Variants in DR1 observed in about 807,000 individuals in gnomAD.
DR1 encodes the protein down-regulator of transcription 1.
In DR1, 7 loss-of-function variants were observed where a neutral mutation model predicts 19.9. That is an observed-to-expected ratio of 0.35 (90% CI 0.20 to 0.66). The LOEUF (loss-of-function observed/expected upper bound fraction) is 0.66, where lower values mean the gene tolerates loss of function less well. Among genes scored for constraint, DR1 ranks in the 30% least tolerant of loss-of-function variants. The pLI is 0.66. For synonymous variants in DR1, 76 were observed against 72.5 expected, an observed-to-expected ratio of 1.05 and a Z score of -0.24; for missense variants, 98 against 203.7, an observed-to-expected ratio of 0.48 and a Z score of 3.16.
At chr1:93,347,549 G>T (rs1470460868) in intron 1 of DR1, among the ~76,000 whole-genome samples, 4 of 152,030 alleles carry the variant, frequency 2.6e-5, no homozygotes, top group Middle Eastern at 3.4e-3. Context: ...ATTCTGTGGA[G>T]ATAAGTTTTG....
chr1:93,353,349 A>G (rs1048584657), intron 1 of DR1, among the ~76,000 whole-genome samples: 3 of 152,132 alleles, frequency 2.0e-5, no homozygotes, highest in African/African-American at 7.2e-5. Flanking sequence ...TTTATTTTCA[A>G]GAGAAACCTG....
At chr1:93,359,321 G>C (rs1316600986) in intron 2 of DR1, among the ~76,000 whole-genome samples, 1 of 152,042 alleles carries the variant, frequency 6.6e-6, no homozygotes, top group African/African-American at 2.4e-5. Context: ...AAATACTGAG[G>C]GCCTTTATGT....
Position 93,360,773 on chromosome 1 carries a change from A to G in DR1, c.*134A>G. On this transcript the variant is annotated 3_prime_UTR_variant, in exon 3 of 3. Transcript: ENST00000370272. ...CATTGGTATTCTAGGGATGTCTGCT[A>G]TTAAGTTTCATCTATTGTGTGCTAT... The G allele has an allele frequency of 1.0e-6, 1 of 965,292 alleles. No individual in the cohort carries two copies. Among genetic ancestry groups the G allele is most frequent in the Non-Finnish European group, 1.5e-6 (1 of 667,502 alleles). 59.8% of individuals were successfully genotyped at this position (965,292 alleles called of 1,614,324 possible).
chr1:93,352,385 A>G (rs896620278), intron 1 of DR1, among the ~76,000 whole-genome samples: 1 of 152,172 alleles, frequency 6.6e-6, no homozygotes, highest in African/African-American at 2.4e-5. Flanking sequence ...GGTGAATTTG[A>G]TATACAGAAC....
chr1:93,369,462 G>A lies in DR1; in HGVS notation c.*8823G>A, dbSNP rs547950779. Reference sequence around the variant, plus strand: ...ATTCACTCAGTGTTATGCAGAATATGAGAAGTTATTTTATAAAGTTGATTT... The same window carrying A: ...ATTCACTCAGTGTTATGCAGAATATAAGAAGTTATTTTATAAAGTTGATTT... On this transcript the variant is annotated 3_prime_UTR_variant, in exon 3 of 3. Transcript: ENST00000370272. The A allele has an allele frequency of 6.6e-6, 1 of 152,272 alleles. No homozygotes were observed. The highest frequency in any genetic ancestry group is 2.1e-4 in the South Asian group (1 of 4,830). 9.4% of individuals were successfully genotyped at this position (152,272 alleles called of 1,614,324 possible). A position where few individuals can be genotyped will look rare whatever the true frequency, so the allele number is the denominator to read the frequency against.
chr1:93,367,245 A>G lies in DR1; in HGVS notation c.*6606A>G, dbSNP rs1480423376. 1 of 152,122 alleles carries G rather than the reference A, an allele frequency of 6.6e-6. No individual in the cohort carries two copies. Among genetic ancestry groups the G allele is most frequent in the Non-Finnish European group, 1.5e-5 (1 of 68,028 alleles). The allele number at this position is 152,122 out of a possible 1,614,324, so 9.4% of individuals were successfully genotyped here. ...TGCTAGTGGGTTAAATCAAGGAATA[A>G]CTGTTGGGAAGTGAAAATTTTAAGG... On this transcript the variant is annotated 3_prime_UTR_variant, in exon 3 of 3. Transcript: ENST00000370272.
At chr1:93,355,680 T>C (rs1261086238) in intron 2 of DR1, 1 of 152,236 alleles carries the variant, frequency 6.6e-6, no homozygotes, top group African/African-American at 2.4e-5. Context: ...TATCTGTTTT[T>C]TTATTCCTCT....
At chr1:93,353,630 T>A (rs1382009865) in intron 1 of DR1, among the ~76,000 whole-genome samples, 1 of 152,238 alleles carries the variant, frequency 6.6e-6, no homozygotes, top group African/African-American at 2.4e-5. Flanking sequence ...CAGGAAATGC[T>A]TTGGTCTTTT....
chr1:93,350,343 G>A (rs1225105146), intron 1 of DR1, among the ~76,000 whole-genome samples: 1 of 152,022 alleles, frequency 6.6e-6, no homozygotes, highest in African/African-American at 2.4e-5. Context: ...CCTTTGCCAG[G>A]CTAATGAGCC....
intron 2 of DR1, among the ~76,000 whole-genome samples, chr1:93,356,853 C>CA (rs1386899268): frequency 6.6e-6 from 1 of 151,894 alleles, no homozygotes; most frequent in Non-Finnish European, 1.5e-5. Flanking sequence ...TCCCAAGTAG[C>CA]TGGGATTACA....
intron 2 of DR1, among the ~76,000 whole-genome samples, chr1:93,359,400 T>G (rs1667028248): frequency 6.6e-6 from 1 of 152,146 alleles, no homozygotes; most frequent in Non-Finnish European, 1.5e-5. Context: ...GGATATAAAC[T>G]TAGATAATTC....
intron 1 of DR1, among the ~76,000 whole-genome samples, chr1:93,350,832 G>A (rs1207288376): frequency 6.6e-6 from 1 of 152,072 alleles, no homozygotes; most frequent in Non-Finnish European, 1.5e-5. Context: ...ATATTTTTCT[G>A]TTTTGGAAAG....
At chr1:93,356,077 T>C (rs1194076769) in intron 2 of DR1, among the ~76,000 whole-genome samples, 1 of 152,170 alleles carries the variant, frequency 6.6e-6, no homozygotes, top group Non-Finnish European at 1.5e-5. Context: ...AGGAAATACA[T>C]GCCTGCTTAC....
chr1:93,358,463 G>T (rs1374916705), intron 2 of DR1, among the ~76,000 whole-genome samples: 1 of 152,140 alleles, frequency 6.6e-6, no homozygotes, highest in East Asian at 1.9e-4. Flanking sequence ...AGCAGAGACT[G>T]AACGCGGTTT....
At chr1:93,355,702 C>T (rs904522810) in intron 2 of DR1, 1 of 151,976 alleles carries the variant, frequency 6.6e-6, no homozygotes, top group Non-Finnish European at 1.5e-5. Context: ...TTTTGTCTCC[C>T]TTGTTTCTTA....
chr1:93,355,363 C>CA (rs1666967344), intron 2 of DR1: 1 of 152,094 alleles, frequency 6.6e-6, no homozygotes. Flanking sequence ...CAAGAGTGAA[C>CA]AAGGAGACAG....
intron 2 of DR1, among the ~76,000 whole-genome samples, chr1:93,354,785 C>A (rs1023245310): frequency 2.0e-5 from 3 of 152,162 alleles, no homozygotes; most frequent in Admixed American, 6.5e-5. Context: ...TGTAGCTGAT[C>A]TCTCTGCAGC....
intron 2 of DR1, chr1:93,355,696 G>A (rs1350476271): frequency 6.6e-6 from 1 of 151,572 alleles, no homozygotes; most frequent in African/African-American, 2.4e-5. Flanking sequence ...CCTCTTTTTT[G>A]TCTCCCTTGT....
chr1:93,351,190 A>G (rs1261996482), intron 1 of DR1, among the ~76,000 whole-genome samples: 1 of 152,108 alleles, frequency 6.6e-6, no homozygotes, highest in Admixed American at 6.5e-5. Flanking sequence ...TGTTAGCCCA[A>G]TGTGTTTAAA....
Sources: allele counts gnomAD v4.1 joint callset (sites outside exome capture counted in the v4.1 genomes callset), GRCh38; gene constraint gnomAD v4.1.1; transcripts MANE v1.5; gene names NCBI Gene and HGNC (gene_info 2026-07-23, HGNC 2026-07-21).